Variants in MAN2C1 observed in about 807,000 individuals in gnomAD.
MAN2C1 encodes mannosidase alpha class 2C member 1.
MAN2C1 carries 111 observed loss-of-function variants against 126.9 expected under a neutral mutation model. The ratio of observed to expected loss-of-function variants is 0.87; its 90% confidence interval spans 0.75 to 1.02. The LOEUF (loss-of-function observed/expected upper bound fraction) is 1.02. Ranked by LOEUF, MAN2C1 falls within the 50% of genes least tolerant of loss-of-function variation. The pLI, the probability that MAN2C1 is intolerant of heterozygous loss-of-function variation, is 0.00. For missense variants in MAN2C1, 1,363 were observed against 1,364.4 expected (o/e 1.00, Z 0.02); for synonymous variants, 567 against 561.5 (o/e 1.01, Z -0.14).
At position 75,356,115 on chromosome 15, in the gene MAN2C1, G is replaced by A. The variant is rs1426455057; in HGVS notation, c.2991C>T (p.Ala997=). The A allele has an allele frequency of 5.0e-6, 8 of 1,613,896 alleles. No individual in the cohort carries two copies. The highest frequency in any genetic ancestry group is 5.9e-6 in the Non-Finnish European group (7 of 1,179,992). ...WLHLSLPVQE[A]ILCDLLERPD... ...AATCCCACACCGCCACTCACAGGAT[G>A]GCCTCCTGAACCGGCAGCGACAAGT... Residue 997 remains alanine, a synonymous_variant, in exon 25 of 26, where the codon GCC becomes GCT. Coordinates refer to ENST00000267978, the MANE Select transcript of MAN2C1 (RefSeq NM_006715.4). The surrounding 1 kb of genome is among the most constrained non-coding windows in gnomAD (Gnocchi z 5.8).
Position 75,356,398 on chromosome 15 carries a change from G to A in MAN2C1, c.2789C>T (p.Pro930Leu). The change falls in exon 24 of 26, where the codon CCC becomes CTC. Residue 930 changes from proline (P) to leucine (L), a missense_variant. Physicochemically the swap from Pro to Leu is moderately conservative, Grantham distance 98 (BLOSUM62 -3). Around this residue, in one of 3 missense-constraint regions of MAN2C1, gnomAD observed 668 missense variants for 650.1 expected, o/e 1.03. Transcript: ENST00000267978. This position sits in a 1 kb window ranked among gnomAD's most constrained non-coding sequence, Gnocchi z 5.8. ...VIQAAYSLNF[P>L]LLALPAPSPA... is the part of the protein sequence containing the mutation. The stretch of plus-strand genomic sequence containing the variant: ...GCTGGGGGCTGGCAGAGCCAACAGG[G>A]GGAAGTTTAGGCTGTAGGCAGCTTG... The A allele has an allele frequency of 1.2e-6, 2 of 1,610,686 alleles. No individual in the cohort carries two copies. The highest frequency in any genetic ancestry group is 1.7e-6 in the Non-Finnish European group (2 of 1,178,882).
rs778368456 is a variant in MAN2C1 at position 75,356,867 on chromosome 15, G to A, written c.2583C>T (p.His861=). 33 of 1,614,132 alleles carry A rather than the reference G, an allele frequency of 2.0e-5. No homozygotes were observed. The highest frequency in any genetic ancestry group is 6.7e-5 in the Admixed American group (4 of 60,026). The stretch of plus-strand genomic sequence containing the variant: ...CGTTGAGCAGGGCCAGCCCAAAGCC[G>A]TGTTCTGACAGATCCATCCAGCGAT... ...WAHRWMDLSE[H]GFGLALLNDC... Residue 861 remains histidine, a synonymous_variant, in exon 22 of 26, where the codon CAC becomes CAT. Coordinates refer to ENST00000267978, the MANE Select transcript of MAN2C1 (RefSeq NM_006715.4). This position sits in a 1 kb window ranked among gnomAD's most constrained non-coding sequence, Gnocchi z 5.8.
Position 75,361,714 on chromosome 15 carries a change from G to A in MAN2C1, c.1108C>T (p.Leu370=), listed in dbSNP as rs771597707. Residue 370 remains leucine (L), a synonymous_variant, in exon 10 of 26, where the codon CTG becomes TTG. Coordinates refer to ENST00000267978, the MANE Select transcript of MAN2C1 (RefSeq NM_006715.4). This position sits in a 1 kb window ranked among gnomAD's most constrained non-coding sequence, Gnocchi z 5.0. ...GCTGAGTAGCCAAAGGTGTCCGGCA[G>A]CCAGAACTGTGGAGAAAGAGGATCC... is the stretch of plus-strand genomic sequence containing the variant. ...EFGKMCSEFW[L]PDTFGYSAQL... 8 of 1,613,686 alleles carry A rather than the reference G, an allele frequency of 5.0e-6. No individual in the cohort carries two copies. The highest frequency in any genetic ancestry group is 3.3e-5 in the South Asian group (3 of 91,086).
rs146276338 is a variant in MAN2C1, at chr15:75,362,388, C to T, written c.963G>A (p.Ala321=). The T allele has an allele frequency of 3.2e-5, 51 of 1,613,858 alleles. No homozygotes were observed. Among genetic ancestry groups the T allele is most frequent in the South Asian group, 1.9e-4 (17 of 91,092 alleles). Residue 321 remains alanine (A), a synonymous_variant, in exon 8 of 26, where the codon GCG becomes GCA. Transcript: ENST00000267978. This position sits in a 1 kb window ranked among gnomAD's most constrained non-coding sequence, Gnocchi z 4.5. ...CCACAGGCACAAACTGCCCACGGCA[C>T]GCAAACTCCTGGATGCGGGAGTACA... The part of the protein sequence containing the change: ...PGLYSRIQEF[A]CRGQFVPVGG...
In MAN2C1 at chr15:75,362,197, G is replaced by T. The variant is rs769534087; in HGVS notation, c.1008+146C>A. On this transcript the variant is annotated intron_variant, in intron 8 of 25. Coordinates refer to ENST00000267978, the MANE Select transcript of MAN2C1 (RefSeq NM_006715.4). This position sits in a 1 kb window ranked among gnomAD's most constrained non-coding sequence, Gnocchi z 4.5. ...TCCCCCTTGAAGTCCCAGGCCTTGA[G>T]ATCCCAGGGACTAATGAGCCAGCCC... 1 of 735,376 alleles carries T rather than the reference G, an allele frequency of 1.4e-6. No homozygotes were observed. The highest frequency in any genetic ancestry group is 2.3e-6 in the Non-Finnish European group (1 of 437,932). 45.6% of individuals were successfully genotyped at this position (735,376 alleles called of 1,614,324 possible).
In MAN2C1 at chr15:75,364,027, A is replaced by T. The variant is rs1219600056; in HGVS notation, c.762T>A (p.His254Gln). 4 of 1,614,180 alleles carry T rather than the reference A, an allele frequency of 2.5e-6. No homozygotes were observed. Among genetic ancestry groups the T allele is most frequent in the Non-Finnish European group, 3.4e-6 (4 of 1,180,032 alleles). The stretch of plus-strand genomic sequence containing the variant: ...TATCAATGTGGCAGTGCCCTGTGGC[A>T]TGAATGGTGTGTTGGCTTTCACCCC... ...QHGGESQHTI[H>Q]ATGHCHIDTA... Residue 254 changes from histidine to glutamine, a missense_variant, in exon 6 of 26, where the codon CAT becomes CAA. By Grantham distance (24) the His-to-Gln change is conservative. Coordinates refer to ENST00000267978, the MANE Select transcript of MAN2C1 (RefSeq NM_006715.4).
chr15:75,356,293 C>T lies in MAN2C1; in HGVS notation c.2886+8G>A. On this transcript the variant is annotated splice_region_variant and intron_variant, in intron 24 of 25. Transcript: ENST00000267978. This position sits in a 1 kb window ranked among gnomAD's most constrained non-coding sequence, Gnocchi z 5.8. ...GGAACCCCGTCCCCAGCACGTCCCA[C>T]CCCTTGCCTGCTTGACGGTCTCCAA... 6.2e-7 allele frequency: 1 copy of T among 1,610,956 alleles called. No individual in the cohort carries two copies. Among genetic ancestry groups the T allele is most frequent in the South Asian group, 1.1e-5 (1 of 90,728 alleles).
At chr15:75,367,745 C>T in intron 2 of MAN2C1, 111 bp from the exon 3 acceptor site, 6 of 1,373,610 alleles carry the variant, frequency 4.4e-6, no homozygotes, top group Non-Finnish European at 6.0e-6. Flanking sequence ...TGCAGTGTCA[C>T]AAGGTACTCA....
intron 13 of MAN2C1, 121 bp downstream of exon 13, chr15:75,360,444 T>A: frequency 6.9e-7 from 1 of 1,442,672 alleles, no homozygotes; most frequent in Non-Finnish European, 9.3e-7. Context: ...GTCTTGAACT[T>A]CTCTCCTCCA....
intron 1 of MAN2C1, 111 bp from the exon 2 acceptor site, chr15:75,368,309 C>G (rs1035735485): frequency 1.1e-5 from 16 of 1,487,382 alleles, no homozygotes; most frequent in African/African-American, 2.8e-5. Flanking sequence ...AGAGGGCTGC[C>G]TGGCCGCTCC....
Position 75,360,085 on chromosome 15 carries a change from C to T in MAN2C1, c.1706+5G>A, listed in dbSNP as rs1337599271. On this transcript the variant is annotated splice_donor_5th_base_variant and intron_variant, in intron 14 of 25. Coordinates refer to ENST00000267978, the MANE Select transcript of MAN2C1 (RefSeq NM_006715.4). ...GGTGGATGGCAGGGACAGAACTGGG[C>T]TGACCTCCAGAGGTGCTGCAGCTGG... is the stretch of plus-strand genomic sequence containing the variant. 1 of 1,613,866 alleles carries T rather than the reference C, an allele frequency of 6.2e-7. No homozygotes were observed. The highest frequency in any genetic ancestry group is 8.5e-7 in the Non-Finnish European group (1 of 1,180,012).
At position 75,364,641 on chromosome 15, in the gene MAN2C1, G is replaced by C. The variant is rs1433568579; in HGVS notation, c.447C>G (p.Ala149=). ...TCCCGGCCCCCAGGAGCCCATTGCAGGCTACTTCCACATAGAGAGTGAGGC... is the reference window on the plus strand; with the variant it reads ...TCCCGGCCCCCAGGAGCCCATTGCACGCTACTTCCACATAGAGAGTGAGGC... The part of the protein sequence containing the change: ...PRSLTLYVEV[A]CNGLLGAGKG... Residue 149 remains alanine (A), a synonymous_variant, in exon 5 of 26, where the codon GCC becomes GCG. Coordinates refer to ENST00000267978, the MANE Select transcript of MAN2C1 (RefSeq NM_006715.4). The C allele has an allele frequency of 6.2e-7, 1 of 1,612,824 alleles. No individual in the cohort carries two copies. The highest frequency in any genetic ancestry group is 1.7e-5 in the Admixed American group (1 of 59,924).
intron 5 of MAN2C1, 32 bp from the exon 6 acceptor site, chr15:75,364,220 T>A (rs536100299): frequency 6.3e-7 from 1 of 1,579,266 alleles, no homozygotes; most frequent in East Asian, 2.2e-5. Flanking sequence ...TAATCCCTTT[T>A]TCAAGCACAG....
In MAN2C1 at chr15:75,356,790, T is replaced by TA; in HGVS notation, c.2657+2dup. 2.5e-6 allele frequency: 4 copies of TA among 1,614,016 alleles called. No individual in the cohort carries two copies. The highest frequency in any genetic ancestry group is 3.4e-6 in the Non-Finnish European group (4 of 1,180,002). ...TCCCAGGCCTGGTGGGTACCCCACT[T>TA]ACAGCGAGAGGCTGAGGATGCTGCC... is the stretch of plus-strand genomic sequence containing the variant. On this transcript the variant is annotated splice_region_variant and intron_variant, in intron 22 of 25. Coordinates refer to ENST00000267978, the MANE Select transcript of MAN2C1 (RefSeq NM_006715.4). The surrounding 1 kb of genome is among the most constrained non-coding windows in gnomAD (Gnocchi z 5.8).
Position 75,361,129 on chromosome 15 carries a change from A to G in MAN2C1, c.1377T>C (p.Phe459=). 1.2e-6 allele frequency: 2 copies of G among 1,613,466 alleles called. No individual in the cohort carries two copies. The highest frequency in any genetic ancestry group is 1.7e-6 in the Non-Finnish European group (2 of 1,179,828). ...GGCCACCACCCCCATCCCCAAAGCCAAAGAGGAAGGCACTGTGGTTGGCCC... is the reference window on the plus strand; with the variant it reads ...GGCCACCACCCCCATCCCCAAAGCCGAAGAGGAAGGCACTGTGGTTGGCCC... ...KGRANHSAFL[F]GFGDGGGGPT... is the part of the protein sequence containing the mutation. The change falls in exon 12 of 26, where the codon TTT becomes TTC. Residue 459 remains phenylalanine (F), a synonymous_variant. Transcript: ENST00000267978. The surrounding 1 kb of genome is among the most constrained non-coding windows in gnomAD (Gnocchi z 5.0).
intron 15 of MAN2C1, 56 bp from the exon 16 acceptor site, chr15:75,359,831 G>A: frequency 1.2e-6 from 2 of 1,612,332 alleles, no homozygotes; most frequent in Admixed American, 1.7e-5. Flanking sequence ...GTGCCCATGG[G>A]TATCCCACAG....
chr15:75,359,133 C>T lies in MAN2C1; in HGVS notation c.2067G>A (p.Leu689=). 1 of 1,614,024 alleles carries T rather than the reference C, an allele frequency of 6.2e-7. No individual in the cohort carries two copies. Among genetic ancestry groups the T allele is most frequent in the Non-Finnish European group, 8.5e-7 (1 of 1,180,024 alleles). ...GCTTCACTCGGATGATGCCATTGTC[C>T]AGAGTCACGGAGCCATCAGTCTTTG... ...VVQETDGSVT[L]DNGIIRVKLD... is the part of the protein sequence containing the mutation. The change falls in exon 18 of 26, where the codon CTG becomes CTA. Residue 689 remains leucine (L), a synonymous_variant. Transcript: ENST00000267978.
intron 4 of MAN2C1, 74 bp downstream of exon 4, chr15:75,366,448 T>G (rs182627962): frequency 4.6e-5 from 59 of 1,274,618 alleles, no homozygotes; most frequent in Admixed American, 3.9e-4. Flanking sequence ...GAGATCACTC[T>G]GGGCCTCAGC....
intron 20 of MAN2C1, 31 bp downstream of exon 20, chr15:75,358,431 G>A (rs2072385843): frequency 6.2e-7 from 1 of 1,612,944 alleles, no homozygotes; most frequent in Admixed American, 1.7e-5. Flanking sequence ...GCACACTTGG[G>A]GAAAACAGCC....
Sources: gnomAD v4.1 joint callset for allele counts on GRCh38, gnomAD v4.1.1 for gene constraint, gnomAD v4.1.1 regional missense constraint, Gnocchi (gnomAD v3.1) non-coding constraint, MANE v1.5 for transcripts, NCBI Gene and HGNC (gene_info 2026-07-23, HGNC 2026-07-21) for gene names.